Variants in TOP1MT observed in about 807,000 individuals in gnomAD.
TOP1MT encodes the protein DNA topoisomerase I, mitochondrial.
TOP1MT carries 80 observed loss-of-function variants against 73.9 expected under a neutral mutation model. That is an observed-to-expected ratio of 1.08 (90% CI 0.90 to 1.30). The LOEUF is 1.30. Ranked by LOEUF, TOP1MT falls within the 50% of genes most tolerant of loss-of-function variation. The pLI is 0.00. For synonymous variants in TOP1MT, 338 were observed against 326.4 expected, an observed-to-expected ratio of 1.04 and a Z score of -0.38; for missense variants, 815 against 808.0, an observed-to-expected ratio of 1.01 and a Z score of -0.10.
chr8:143,356,372 C>G (rs573840940), upstream of TOP1MT, among the ~76,000 whole-genome samples: 1 of 152,392 alleles, frequency 6.6e-6, no homozygotes, highest in East Asian at 1.9e-4. Flanking sequence ...AGCATGCTGG[C>G]AGCAGATCCA....
intron 1 of TOP1MT, among the ~76,000 whole-genome samples, chr8:143,353,230 A>G (rs530253979): frequency 1.3e-5 from 2 of 152,122 alleles, no homozygotes; most frequent in East Asian, 3.9e-4. Context: ...GCCTAGGCAA[A>G]ATGGGGAGAC....
At chr8:143,355,800 G>A (rs1291289070) in intron 1 of TOP1MT, among the ~76,000 whole-genome samples, 2 of 152,086 alleles carry the variant, frequency 1.3e-5, no homozygotes, top group South Asian at 4.2e-4. Context: ...CCGCTCAAGC[G>A]GAAACAAAGA....
intron 8 of TOP1MT, among the ~76,000 whole-genome samples, chr8:143,318,375 T>C (rs1190326856): frequency 1.3e-5 from 2 of 152,168 alleles, no homozygotes; most frequent in African/African-American, 4.8e-5. Flanking sequence ...CCCGGCTCCT[T>C]CTTCCATCAA....
intron 4 of TOP1MT, 77 bp downstream of exon 4, chr8:143,326,145 T>G: frequency 6.4e-7 from 1 of 1,556,880 alleles, no homozygotes; most frequent in South Asian, 1.1e-5. Flanking sequence ...CCACAGGCCT[T>G]TCTCAGTCTT....
chr8:143,311,005 C>T (rs932117055), intron 12 of TOP1MT, among the ~76,000 whole-genome samples: 1 of 146,806 alleles, frequency 6.8e-6, no homozygotes, highest in Non-Finnish European at 1.5e-5. Context: ...GTCACCCAGG[C>T]TGGAGTGCAG....
chr8:143,322,430 AC>A (rs1816470460), intron 7 of TOP1MT, among the ~76,000 whole-genome samples: 1 of 99,720 alleles, frequency 1.0e-5, no homozygotes, highest in South Asian at 3.4e-4. Flanking sequence ...ACACACATGC[AC>A]ACCACACGCA....
intron 1 of TOP1MT, among the ~76,000 whole-genome samples, chr8:143,350,019 A>C (rs955380964): frequency 1.3e-5 from 2 of 152,216 alleles, no homozygotes; most frequent in Non-Finnish European, 2.9e-5. Context: ...AAAACTTATC[A>C]GCTCACATCC....
intron 2 of TOP1MT, 86 bp from the exon 3 acceptor site, chr8:143,329,557 C>T (rs1157353398): frequency 2.0e-6 from 3 of 1,496,116 alleles, no homozygotes; most frequent in East Asian, 4.8e-5. Context: ...TTAAACTACG[C>T]TTTCGTGCGT....
rs933975853 is a variant in TOP1MT, at chr8:143,344,131, G to A, written c.-39+785C>T. On this transcript the variant is annotated intron_variant, in intron 1 of 5. Transcript: ENST00000518007. This position sits in a 1 kb window ranked among gnomAD's most constrained non-coding sequence, Gnocchi z 4.6. Reference sequence around the variant, plus strand: ...CAGGATTCATAGATGGATTTCATGTGGAATCTAGGCCCTCAAGGATGGGGC... The same window carrying A: ...CAGGATTCATAGATGGATTTCATGTAGAATCTAGGCCCTCAAGGATGGGGC... 2.6e-5 allele frequency: 4 copies of A among 152,266 alleles called. No homozygotes were observed. Among genetic ancestry groups the A allele is most frequent in the African/African-American group, 7.2e-5 (3 of 41,448 alleles). The allele number at this position is 152,266 out of a possible 1,614,324, so 9.4% of individuals were successfully genotyped here.
At chr8:143,332,769 A>C in intron 1 of TOP1MT, 1 of 370,620 alleles carries the variant, frequency 2.7e-6, no homozygotes, top group Non-Finnish European at 5.3e-6. Context: ...GTGGTGGCTC[A>C]CGCCTGTGAT....
chr8:143,322,965 CCACA>C (rs1277638747), intron 7 of TOP1MT, among the ~76,000 whole-genome samples: 1 of 122,880 alleles, frequency 8.1e-6, no homozygotes, highest in Non-Finnish European at 1.8e-5. Context: ...CACACGCACG[CCACA>C]CACGCACGCA....
At chr8:143,309,684 G>A (rs1815948917) in intron 13 of TOP1MT, 141 bp from the exon 14 acceptor site, 2 of 1,519,682 alleles carry the variant, frequency 1.3e-6, no homozygotes, top group East Asian at 2.4e-5. Flanking sequence ...TGCTCCTCTA[G>A]GCCAACCCCA....
intron 3 of TOP1MT, among the ~76,000 whole-genome samples, chr8:143,328,542 T>C (rs1197593886): frequency 6.6e-6 from 1 of 152,264 alleles, no homozygotes; most frequent in Non-Finnish European, 1.5e-5. Flanking sequence ...GGCAGGCGTG[T>C]GGACAGTTCA....
chr8:143,310,190 C>T lies in TOP1MT; in HGVS notation c.1581G>A (p.Leu527=). 1 of 1,594,594 alleles carries T rather than the reference C, an allele frequency of 6.3e-7. No homozygotes were observed. The highest frequency in any genetic ancestry group is 8.5e-7 in the Non-Finnish European group (1 of 1,170,704). The change falls in exon 13 of 14, where the codon CTG becomes CTA. Residue 527 remains leucine (L), a synonymous_variant. Transcript: ENST00000329245. ...GCGCCAGCTGCTCCTGCAGCTTCTCCAGGAGCCGCCTCTTCTTCTCCAGGA... is the reference window on the plus strand; with the variant it reads ...GCGCCAGCTGCTCCTGCAGCTTCTCTAGGAGCCGCCTCTTCTTCTCCAGGA... ...RSVLEKKRRL[L]EKLQEQLAQL...
chr8:143,348,842 T>A (rs971605145), upstream of TOP1MT, among the ~76,000 whole-genome samples: 1 of 152,166 alleles, frequency 6.6e-6, no homozygotes, highest in Non-Finnish European at 1.5e-5. The surrounding 1 kb of genome is among the most constrained non-coding windows in gnomAD (Gnocchi z 4.6). Context: ...AGGAGCCTGG[T>A]GCCCTGAGGC....
At chr8:143,316,178 C>A (rs1816157652) in intron 10 of TOP1MT, 52 bp from the exon 11 acceptor site, 1 of 1,612,196 alleles carries the variant, frequency 6.2e-7, no homozygotes, top group South Asian at 1.1e-5. Flanking sequence ...GCCACCCTCC[C>A]TGTCTGCCCT....
At position 143,318,157 on chromosome 8, in the gene TOP1MT, C is replaced by T. The variant is rs77153545; in HGVS notation, c.1147-71G>A. 60 of 1,477,614 alleles carry T rather than the reference C, an allele frequency of 4.1e-5. No individual in the cohort carries two copies. The East Asian group carries it at 5.2e-4, about 13-fold the overall frequency. The allele number at this position is 1,477,614 out of a possible 1,614,324, so 91.5% of individuals were successfully genotyped here. On this transcript the variant is annotated intron_variant, in intron 8 of 13. Transcript: ENST00000329245. Reference sequence around the variant, plus strand: ...CCAGTGAGGACCTGAAGGGCGTCTACGCAGAGCCTGGGAGCCCACGGGAGG... The same window carrying T: ...CCAGTGAGGACCTGAAGGGCGTCTATGCAGAGCCTGGGAGCCCACGGGAGG...
At chr8:143,322,519 A>AGGCACGCCAC (rs1554620319) in intron 7 of TOP1MT, among the ~76,000 whole-genome samples, 4 of 76,022 alleles carry the variant, frequency 5.3e-5, no homozygotes, top group Non-Finnish European at 9.6e-5. Flanking sequence ...CACGCCACAC[A>AGGCACGCCAC]ACAGGCACGC....
At chr8:143,315,279 C>T (rs1816125561) in intron 12 of TOP1MT, among the ~76,000 whole-genome samples, 2 of 152,206 alleles carry the variant, frequency 1.3e-5, no homozygotes, top group South Asian at 4.1e-4. Context: ...GTACACCTGG[C>T]TCTGCCTTCT....
Sources: allele counts gnomAD v4.1 joint callset (sites outside exome capture counted in the v4.1 genomes callset), GRCh38; gene constraint gnomAD v4.1.1; non-coding constraint Gnocchi (gnomAD v3.1); transcripts MANE v1.5; gene names NCBI Gene and HGNC (gene_info 2026-07-23, HGNC 2026-07-21).